The following PPP4R4 variants were observed in gnomAD, a reference collection of about 807,000 sequenced individuals.
The protein encoded by PPP4R4 is serine/threonine-protein phosphatase 4 regulatory subunit 4.
In PPP4R4, 70 loss-of-function variants were observed where a neutral mutation model predicts 121.8. That is an observed-to-expected ratio of 0.57 (90% confidence interval 0.47 to 0.70). The LOEUF is 0.70. PPP4R4 is among the 30% of genes least tolerant of loss of function. The pLI is 0.00. For synonymous variants in PPP4R4, 348 were observed against 355.7 expected (o/e 0.98, Z 0.24); for missense variants, 875 against 1,033.6 (o/e 0.85, Z 2.10).
rs1409016853 is a variant in PPP4R4 at position 94,264,821 on chromosome 14, A to G, written c.2128-57A>G. 3 of 1,316,468 alleles carry G rather than the reference A, an allele frequency of 2.3e-6. No homozygotes were observed. The East Asian group carries it at 7.1e-5, about 31-fold the overall frequency. The allele number at this position is 1,316,468 out of a possible 1,614,324, so 81.5% of individuals were successfully genotyped here. Reference sequence around the variant, plus strand: ...TCTCTAATGCTTAATTTCTCAGAACAATTTTCTAGACCTACTTCAGTTGTA... The same window carrying G: ...TCTCTAATGCTTAATTTCTCAGAACGATTTTCTAGACCTACTTCAGTTGTA... On this transcript the variant is annotated intron_variant, in intron 19 of 24. Transcript: ENST00000304338.
Position 94,276,639 on chromosome 14 carries a change from G to A in PPP4R4, c.2597+1118G>A, listed in dbSNP as rs1894656151. Among the ~76,000 whole-genome samples the A allele has an allele frequency of 2.0e-5, 2 of 101,660 alleles. 1 individual carries two copies. Among genetic ancestry groups the A allele is most frequent in the East Asian group, 6.7e-4 (2 of 2,980 alleles). The allele number at this position is 101,660 out of a possible 152,430, so 66.7% of individuals were successfully genotyped here. ...TGTCACAAAGAAAACACCAAGCCGT[G>A]AGGGATCAGCCCCATGATCCAAACA... On this transcript the variant is annotated intron_variant, in intron 24 of 24. Coordinates refer to ENST00000304338, the MANE Select transcript of PPP4R4 (RefSeq NM_058237.2).
At chr14:94,178,132 AT>A (rs1888778179) in intron 2 of PPP4R4, among the ~76,000 whole-genome samples, 1 of 152,076 alleles carries the variant, frequency 6.6e-6, no homozygotes, top group South Asian at 2.1e-4. Flanking sequence ...AGGGGACAGG[AT>A]TGTTTCATAG....
rs754282646 is a variant in PPP4R4, at chr14:94,208,520, G to T, written c.248G>T (p.Arg83Leu). 1 of 1,611,748 alleles carries T rather than the reference G, an allele frequency of 6.2e-7. No individual in the cohort carries two copies. Among genetic ancestry groups the T allele is most frequent in the Non-Finnish European group, 8.5e-7 (1 of 1,178,392 alleles). ...SVIANLPFLM[R>L]QNPTETLRRV... ...ATTGCAAATCTCCCATTTTTGATGC[G>T]ACAGAATCCCACTGAGACGCTTCGG... The change falls in exon 3 of 25, where the codon CGA becomes CTA. Residue 83 changes from arginine (R) to leucine (L), a missense_variant. Physicochemically the swap from Arg to Leu is moderately radical, Grantham distance 102. Transcript: ENST00000304338.
chr14:94,254,174 T>TA (rs1440582186), intron 16 of PPP4R4, among the ~76,000 whole-genome samples: 19 of 152,178 alleles, frequency 1.2e-4, no homozygotes, highest in Admixed American at 1.2e-3. Flanking sequence ...AGGAGTCTCA[T>TA]AGAGATGAAT....
intron 12 of PPP4R4, 112 bp downstream of exon 12, chr14:94,244,824 C>G (rs1336228364): frequency 9.5e-7 from 1 of 1,047,590 alleles, no homozygotes; most frequent in African/African-American, 1.7e-5. Context: ...GCTGACTAGC[C>G]CCAGAAGCTT....
At position 94,233,637 on chromosome 14, in the gene PPP4R4, T is replaced by C. The variant is rs766165457; in HGVS notation, c.517-16T>C. The C allele has an allele frequency of 6.6e-7, 1 of 1,517,566 alleles. No homozygotes were observed. Among genetic ancestry groups the C allele is most frequent in the Middle Eastern group, 1.7e-4 (1 of 5,870 alleles). 94.0% of individuals were successfully genotyped at this position (1,517,566 alleles called of 1,614,324 possible). On this transcript the variant is annotated splice_polypyrimidine_tract_variant and intron_variant, in intron 5 of 24. Transcript: ENST00000304338. Reference sequence around the variant, plus strand: ...ATAAAATTTTGTGAATTTTTTTCTCTAAATTTTCTCTTTAGATTTTGAATC... The same window carrying C: ...ATAAAATTTTGTGAATTTTTTTCTCCAAATTTTCTCTTTAGATTTTGAATC...
chr14:94,222,702 G>A (rs1253698539), intron 3 of PPP4R4, among the ~76,000 whole-genome samples: 2 of 151,466 alleles, frequency 1.3e-5, no homozygotes, highest in Non-Finnish European at 2.9e-5. Context: ...GTTTTTATTA[G>A]CATAGGATTT....
intron 23 of PPP4R4, among the ~76,000 whole-genome samples, chr14:94,273,874 A>AATTTATATAT (rs1465736455): frequency 6.6e-6 from 1 of 152,164 alleles, no homozygotes; most frequent in African/African-American, 2.4e-5. Context: ...AATTTATATA[A>AATTTATATAT]ATTTAAGGCA....
intron 24 of PPP4R4, 69 bp from the exon 25 acceptor site, chr14:94,278,550 C>A: frequency 9.9e-7 from 1 of 1,014,910 alleles, no homozygotes; most frequent in East Asian, 2.7e-5. Flanking sequence ...ATATTTTTTT[C>A]TTTTTCTCCC....
chr14:94,174,568 C>A lies in PPP4R4; in HGVS notation c.103C>A (p.Arg35Ser). The A allele has an allele frequency of 6.2e-7, 1 of 1,611,766 alleles. No individual in the cohort carries two copies. The highest frequency in any genetic ancestry group is 8.5e-7 in the Non-Finnish European group (1 of 1,179,088). ...GCTCACCATCATCGAGAGGCCGGTC[C>A]GCCGGAGCCTCAAGGTGCGCCCCGG... The part of the protein sequence containing the change: ...QELTIIERPV[R>S]RSLKTPEEIE... The change falls in exon 1 of 25, where the codon CGC (arginine) becomes AGC (serine). Residue 35 changes from arginine to serine, a missense_variant. By Grantham distance (110) the Arg-to-Ser change is moderately radical. Coordinates refer to ENST00000304338, the MANE Select transcript of PPP4R4 (RefSeq NM_058237.2).
intron 14 of PPP4R4, among the ~76,000 whole-genome samples, chr14:94,248,429 A>C (rs1893006808): frequency 6.6e-6 from 1 of 152,226 alleles, no homozygotes; most frequent in Admixed American, 6.5e-5. Context: ...AAATGGAAAA[A>C]CATTCCTTAC....
At chr14:94,178,905 T>C (rs1888822851) in intron 2 of PPP4R4, among the ~76,000 whole-genome samples, 1 of 152,238 alleles carries the variant, frequency 6.6e-6, no homozygotes, top group African/African-American at 2.4e-5. Context: ...TAAGTATGTA[T>C]ACTGTGCTTT....
intron 7 of PPP4R4, among the ~76,000 whole-genome samples, chr14:94,235,450 A>C (rs1324042576): frequency 8.5e-6 from 1 of 118,298 alleles, no homozygotes; most frequent in Non-Finnish European, 1.6e-5. Context: ...CCCAGGCTGG[A>C]GTGCAGTGGC....
chr14:94,199,684 G>A (rs1369018065), intron 2 of PPP4R4, among the ~76,000 whole-genome samples: 2 of 152,066 alleles, frequency 1.3e-5, no homozygotes, highest in African/African-American at 2.4e-5. Context: ...CCCTGGAGTC[G>A]GGCTGCTTAG....
At chr14:94,269,068 A>T (rs1382974908) in intron 23 of PPP4R4, among the ~76,000 whole-genome samples, 1 of 152,216 alleles carries the variant, frequency 6.6e-6, no homozygotes, top group Non-Finnish European at 1.5e-5. Context: ...CTTAAAATAG[A>T]AACTGAAAAT....
intron 4 of PPP4R4, 40 bp downstream of exon 4, chr14:94,230,774 G>GT: frequency 5.8e-6 from 9 of 1,550,562 alleles, no homozygotes; most frequent in Non-Finnish European, 6.2e-6. Context: ...CTTGTTTATT[G>GT]TTTTTTTGTG....
chr14:94,277,727 A>G (rs1410352422), intron 24 of PPP4R4, among the ~76,000 whole-genome samples: 1 of 152,150 alleles, frequency 6.6e-6, no homozygotes, highest in Non-Finnish European at 1.5e-5. Context: ...ACTGTTGAGC[A>G]TGCTTTTCCT....
intron 2 of PPP4R4, among the ~76,000 whole-genome samples, chr14:94,191,440 A>T (rs1889596274): frequency 6.6e-6 from 1 of 152,212 alleles, no homozygotes; most frequent in African/African-American, 2.4e-5. Flanking sequence ...GTGTGTAATG[A>T]TCAAATCAGA....
At chr14:94,191,429 AGTGT>A (rs1304018565) in intron 2 of PPP4R4, among the ~76,000 whole-genome samples, 4 of 152,208 alleles carry the variant, frequency 2.6e-5, no homozygotes, top group African/African-American at 9.6e-5. Flanking sequence ...ACATGTATGC[AGTGT>A]GTAATGATCA....
Sources: gnomAD v4.1 joint callset for allele counts (sites outside exome capture counted in the v4.1 genomes callset) on GRCh38, gnomAD v4.1.1 for gene constraint, MANE v1.5 for transcripts, NCBI Gene and HGNC (gene_info 2026-07-23, HGNC 2026-07-21) for gene names.